Variants in CRY1 observed in about 807,000 individuals in gnomAD.
The protein encoded by CRY1 is cryptochrome-1.
CRY1 carries 45 observed loss-of-function variants against 76.0 expected under a neutral mutation model. That is an observed-to-expected ratio of 0.59 (90% confidence interval 0.47 to 0.76). The LOEUF is 0.76. CRY1 is among the 30% of genes least tolerant of loss of function. The pLI is 0.00. For missense variants in CRY1, 587 were observed against 716.4 expected, an observed-to-expected ratio of 0.82 and a Z score of 2.06; for synonymous variants, 248 against 244.0, an observed-to-expected ratio of 1.02 and a Z score of -0.15.
At chr12:107,016,738 G>C (rs1952501569) in intron 2 of CRY1, among the ~76,000 whole-genome samples, 1 of 152,074 alleles carries the variant, frequency 6.6e-6, no homozygotes, top group Non-Finnish European at 1.5e-5. Flanking sequence ...ATGCCTAAAA[G>C]GCATCCCAAA....
chr12:106,996,737 TATG>T (rs1374380261), intron 10 of CRY1, among the ~76,000 whole-genome samples: 66 of 152,364 alleles, frequency 4.3e-4, no homozygotes, highest in African/African-American at 1.5e-3. Context: ...CAAAAACTAA[TATG>T]ATGGTTCAAA....
chr12:107,085,895 A>C (rs909817993), intron 1 of CRY1, among the ~76,000 whole-genome samples: 1 of 152,204 alleles, frequency 6.6e-6, no homozygotes, highest in Admixed American at 6.5e-5. Context: ...AAACAAAAAC[A>C]AAAAACCTCA....
chr12:107,001,983 A>T (rs1952317855), intron 3 of CRY1, 35 bp from the exon 4 acceptor site: 2 of 1,515,986 alleles, frequency 1.3e-6, no homozygotes, highest in East Asian at 2.5e-5. Flanking sequence ...AGTTAGTATT[A>T]AAAAAGACAA....
intron 1 of CRY1, among the ~76,000 whole-genome samples, chr12:107,052,763 A>G (rs1952937944): frequency 6.6e-6 from 1 of 152,212 alleles, no homozygotes. Context: ...GGCACTTTAA[A>G]AAGAATACTC....
chr12:107,083,461 G>T (rs758440114), intron 1 of CRY1, among the ~76,000 whole-genome samples: 4 of 152,070 alleles, frequency 2.6e-5, no homozygotes, highest in Admixed American at 6.6e-5. Context: ...CTGGCAAACC[G>T]AATCTAGCAG....
intron 1 of CRY1, among the ~76,000 whole-genome samples, chr12:107,036,964 C>G (rs1444324654): frequency 6.6e-6 from 1 of 152,112 alleles, no homozygotes; most frequent in Non-Finnish European, 1.5e-5. Flanking sequence ...CTTTAACATA[C>G]TATATAATTT....
intron 1 of CRY1, among the ~76,000 whole-genome samples, chr12:107,089,503 CT>C (rs77964218): frequency 3.2e-4 from 47 of 147,152 alleles, no homozygotes; most frequent in African/African-American, 4.5e-4. Flanking sequence ...CTCTGCCAAA[CT>C]TTTTTTTTTT....
chr12:107,090,520 A>G (rs1340340120), intron 1 of CRY1, among the ~76,000 whole-genome samples: 1 of 152,222 alleles, frequency 6.6e-6, no homozygotes, highest in Non-Finnish European at 1.5e-5. Context: ...TTCAAGGTTC[A>G]GCCCTTGCAC....
At chr12:107,081,468 C>T (rs1427734394) in intron 1 of CRY1, among the ~76,000 whole-genome samples, 2 of 151,924 alleles carry the variant, frequency 1.3e-5, no homozygotes, top group African/African-American at 4.8e-5. Context: ...TCACATTCTG[C>T]TTTATTTCTC....
At chr12:107,000,480 G>T (rs934924655) in intron 5 of CRY1, among the ~76,000 whole-genome samples, 1 of 151,720 alleles carries the variant, frequency 6.6e-6, no homozygotes, top group Non-Finnish European at 1.5e-5. Context: ...CTCCTGAGTA[G>T]CTGCGACTAC....
chr12:107,050,463 T>C (rs1285052347), intron 1 of CRY1: 2 of 152,160 alleles, frequency 1.3e-5, no homozygotes, highest in African/African-American at 4.8e-5. Context: ...TATTAGTTCA[T>C]GTAAGATTTG....
At chr12:107,065,043 C>G (rs1376253299) in intron 1 of CRY1, among the ~76,000 whole-genome samples, 1 of 152,122 alleles carries the variant, frequency 6.6e-6, no homozygotes, top group African/African-American at 2.4e-5. Context: ...ACACCATTTT[C>G]CCAGCACTTT....
chr12:107,039,027 A>G (rs890012273), intron 1 of CRY1, among the ~76,000 whole-genome samples: 2 of 152,188 alleles, frequency 1.3e-5, no homozygotes, highest in Non-Finnish European at 2.9e-5. Flanking sequence ...GGGAAGGCTG[A>G]GGCAGAAGAA....
chr12:107,075,525 T>C (rs753884572), intron 1 of CRY1, among the ~76,000 whole-genome samples: 2 of 152,126 alleles, frequency 1.3e-5, no homozygotes, highest in South Asian at 2.1e-4. Flanking sequence ...TAACGAATAA[T>C]AGGCAATATC....
intron 10 of CRY1, among the ~76,000 whole-genome samples, chr12:106,994,439 G>A (rs1952211487): frequency 6.6e-6 from 1 of 151,852 alleles, no homozygotes; most frequent in Non-Finnish European, 1.5e-5. Flanking sequence ...TTTTTCATTT[G>A]TTTTTGTTTT....
chr12:107,042,410 T>C (rs900502804), intron 1 of CRY1, among the ~76,000 whole-genome samples: 9 of 152,174 alleles, frequency 5.9e-5, no homozygotes, highest in Admixed American at 6.5e-5. Flanking sequence ...CTGAAACACA[T>C]GATCAAGGTT....
At chr12:107,083,089 T>C (rs112306405) in intron 1 of CRY1, among the ~76,000 whole-genome samples, 1,704 of 152,246 alleles carry the variant, frequency 0.011, 43 homozygotes, top group African/African-American at 0.039. Context: ...CTAAAAAATC[T>C]AGAAGAAATG....
chr12:107,075,698 T>C (rs942353232), intron 1 of CRY1, among the ~76,000 whole-genome samples: 2 of 152,096 alleles, frequency 1.3e-5, no homozygotes, highest in Non-Finnish European at 2.9e-5. Context: ...AAAATATTAC[T>C]CTGAATTCCA....
chr12:107,048,762 T>C (rs961120407), intron 1 of CRY1, among the ~76,000 whole-genome samples: 7 of 152,212 alleles, frequency 4.6e-5, no homozygotes, highest in Non-Finnish European at 8.8e-5. Context: ...AATATTTTCA[T>C]TTGAGTATTT....
Sources: gnomAD v4.1 joint callset for allele counts (sites outside exome capture counted in the v4.1 genomes callset) on GRCh38, gnomAD v4.1.1 for gene constraint, MANE v1.5 for transcripts, NCBI Gene and HGNC (gene_info 2026-07-23, HGNC 2026-07-21) for gene names.